The following GRIN2A variants were observed in gnomAD, a reference collection of about 807,000 sequenced individuals.
GRIN2A encodes glutamate receptor ionotropic, NMDA 2A.
GRIN2A carries 22 observed loss-of-function variants against 113.4 expected under a neutral mutation model. The observed-to-expected ratio is 0.19, with a 90% confidence interval of 0.14 to 0.28. GRIN2A has a LOEUF of 0.28. Ranked by LOEUF, GRIN2A falls within the 10% of genes least tolerant of loss-of-function variation. The probability of loss-of-function intolerance (pLI) is 1.00; values close to 1 mark genes in which losing one functional copy is unlikely to be tolerated. For missense variants in GRIN2A, 1,502 were observed against 1,887.0 expected (o/e 0.80, Z 3.78); for synonymous variants, 827 against 738.4 (o/e 1.12, Z -1.94).
intron 2 of GRIN2A, 105 bp downstream of exon 2, chr16:10,179,893 C>CCCAACAAA: frequency 2.8e-6 from 2 of 719,818 alleles, no homozygotes; most frequent in Non-Finnish European, 2.4e-6. Flanking sequence ...CCCCCACCCC[C>CCCAACAAA]ACTTCACATC....
At chr16:9,860,460 A>AAG (rs1567352498) in intron 4 of GRIN2A, among the ~76,000 whole-genome samples, 9 of 143,124 alleles carry the variant, frequency 6.3e-5, no homozygotes, top group Non-Finnish European at 7.7e-5. Flanking sequence ...AAAAAAAAAA[A>AAG]AAAAAAAAAA....
At chr16:10,030,479 G>C (rs1004565290) in intron 2 of GRIN2A, among the ~76,000 whole-genome samples, 3 of 152,084 alleles carry the variant, frequency 2.0e-5, no homozygotes, top group Admixed American at 6.6e-5. Context: ...TATTGGTTTT[G>C]GTCTCCTGCC....
In GRIN2A at chr16:9,768,898, T is replaced by A. The variant is rs2141149885; in HGVS notation, c.2548A>T (p.Thr850Ser). 1.2e-6 allele frequency: 2 copies of A among 1,614,138 alleles called. No homozygotes were observed. Among genetic ancestry groups the A allele is most frequent in the Non-Finnish European group, 1.7e-6 (2 of 1,180,010 alleles). ...LFYWKLRFCF[T>S]GVCSDRPGLL... The stretch of plus-strand genomic sequence containing the variant: ...CCAGGCCGGTCGGAGCACACGCCCG[T>A]GAAACAGAAGCGCAGCTTCCAGTAG... Residue 850 changes from threonine to serine, a missense_variant, in exon 12 of 13, where the codon ACG becomes TCG. Physicochemically the swap from Thr to Ser is moderately conservative, Grantham distance 58. Coordinates refer to ENST00000330684, the MANE Select transcript of GRIN2A (RefSeq NM_001134407.3).
intron 2 of GRIN2A, among the ~76,000 whole-genome samples, chr16:10,131,611 T>C (rs1170466983): frequency 6.6e-6 from 1 of 152,140 alleles, no homozygotes; most frequent in East Asian, 1.9e-4. Flanking sequence ...CCTTCTGTGA[T>C]AGGCCCTCAG....
intron 2 of GRIN2A, among the ~76,000 whole-genome samples, chr16:10,128,780 A>T (rs944992782): frequency 6.6e-6 from 1 of 152,256 alleles, no homozygotes; most frequent in African/African-American, 2.4e-5. Flanking sequence ...AAGATCCATG[A>T]GATAGCTGAG....
intron 4 of GRIN2A, among the ~76,000 whole-genome samples, chr16:9,859,629 C>T (rs898778106): frequency 2.0e-5 from 3 of 151,636 alleles, no homozygotes; most frequent in African/African-American, 7.3e-5. Context: ...CACACACACA[C>T]ACACACACAC....
chr16:10,098,716 C>G (rs61189352), intron 2 of GRIN2A, among the ~76,000 whole-genome samples: 28,893 of 152,082 alleles, frequency 0.19, 3,147 homozygotes, highest in African/African-American at 0.3. Context: ...AATGGAGAAC[C>G]AAACATTGTA....
intron 2 of GRIN2A, among the ~76,000 whole-genome samples, chr16:10,073,464 C>A (rs1222006961): frequency 6.6e-6 from 1 of 152,114 alleles, no homozygotes; most frequent in African/African-American, 2.4e-5. Context: ...GAAGTCCTGG[C>A]TCAATGGAAT....
chr16:10,072,318 A>G (rs185109621), intron 2 of GRIN2A, among the ~76,000 whole-genome samples: 1 of 152,362 alleles, frequency 6.6e-6, no homozygotes, highest in African/African-American at 2.4e-5. Flanking sequence ...TGTGTTTATA[A>G]GAGTGAAGCA....
chr16:10,052,854 C>A (rs1164513500), intron 2 of GRIN2A, among the ~76,000 whole-genome samples: 1 of 152,080 alleles, frequency 6.6e-6, no homozygotes, highest in East Asian at 1.9e-4. Context: ...TCGAGTCCAG[C>A]CTGGCCAACA....
chr16:10,042,605 G>A (rs1338979985), intron 2 of GRIN2A, among the ~76,000 whole-genome samples: 1 of 152,154 alleles, frequency 6.6e-6, no homozygotes, highest in Non-Finnish European at 1.5e-5. Flanking sequence ...ATAAATGCTT[G>A]TTGCTTCAAA....
chr16:10,040,018 C>CCA (rs1422893022), intron 2 of GRIN2A, among the ~76,000 whole-genome samples: 38 of 936 alleles, frequency 0.041, no homozygotes, highest in Non-Finnish European at 0.038. Flanking sequence ...CATCCACACA[C>CCA]CACACACAAA....
intron 2 of GRIN2A, among the ~76,000 whole-genome samples, chr16:10,018,342 T>C (rs837697): frequency 1.3e-5 from 2 of 151,930 alleles, no homozygotes; most frequent in Non-Finnish European, 2.9e-5. Flanking sequence ...TCCAGAAACA[T>C]AAGAGAAGAA....
intron 11 of GRIN2A, among the ~76,000 whole-genome samples, chr16:9,789,720 G>A (rs1185017795): frequency 1.3e-5 from 2 of 152,202 alleles, no homozygotes; most frequent in East Asian, 3.8e-4. Flanking sequence ...TCAAAACTGT[G>A]CAATTATCAT....
chr16:10,168,713 T>C (rs2049974212), intron 2 of GRIN2A, among the ~76,000 whole-genome samples: 1 of 152,158 alleles, frequency 6.6e-6, no homozygotes, highest in South Asian at 2.1e-4. Context: ...ACGCCTGTAG[T>C]CCAGCACTTT....
chr16:10,035,618 C>T (rs951201146), intron 2 of GRIN2A, among the ~76,000 whole-genome samples: 4 of 152,184 alleles, frequency 2.6e-5, no homozygotes, highest in Admixed American at 1.3e-4. Flanking sequence ...CTGGAGTCAC[C>T]GACCAGGAGA....
At chr16:10,009,400 G>A (rs996316030) in intron 2 of GRIN2A, among the ~76,000 whole-genome samples, 1 of 152,192 alleles carries the variant, frequency 6.6e-6, no homozygotes, top group Admixed American at 6.5e-5. Context: ...TAGGAGCTAA[G>A]AAGAGGTGAA....
At chr16:10,006,029 G>C (rs2046399042) in intron 2 of GRIN2A, among the ~76,000 whole-genome samples, 1 of 152,204 alleles carries the variant, frequency 6.6e-6, no homozygotes, top group African/African-American at 2.4e-5. Context: ...TTTCAGTGAA[G>C]ATCTATGTAA....
At chr16:10,098,306 G>T (rs1412718389) in intron 2 of GRIN2A, among the ~76,000 whole-genome samples, 1 of 152,072 alleles carries the variant, frequency 6.6e-6, no homozygotes, top group Non-Finnish European at 1.5e-5. Context: ...TAAAAAAATA[G>T]ACATTGGCAT....
Sources: allele counts gnomAD v4.1 joint callset (sites outside exome capture counted in the v4.1 genomes callset), GRCh38; gene constraint gnomAD v4.1.1; transcripts MANE v1.5; gene names NCBI Gene and HGNC (gene_info 2026-07-23, HGNC 2026-07-21).